The following CCDC7 variants were observed in gnomAD, a reference collection of about 807,000 sequenced individuals.
The protein encoded by CCDC7 is coiled-coil domain-containing protein 7.
In CCDC7, 183 loss-of-function variants were observed where a neutral mutation model predicts 196.9. The observed-to-expected ratio is 0.93, with a 90% CI of 0.82 to 1.05. The LOEUF (loss-of-function observed/expected upper bound fraction) is 1.05. Among genes scored for constraint, CCDC7 ranks in the 50% least tolerant of loss-of-function variants. The pLI, the probability that CCDC7 is intolerant of heterozygous loss-of-function variation, is 0.00. For synonymous variants in CCDC7, 525 were observed against 484.6 expected, an observed-to-expected ratio of 1.08 and a Z score of -1.10; for missense variants, 1,540 against 1,482.2, an observed-to-expected ratio of 1.04 and a Z score of -0.64.
chr10:32,749,096 C>T (rs1353237123), intron 28 of CCDC7, among the ~76,000 whole-genome samples: 2 of 152,176 alleles, frequency 1.3e-5, no homozygotes, highest in Non-Finnish European at 2.9e-5. Context: ...AAAAAGGTTT[C>T]TGCTTCATTA....
At chr10:32,582,004 GAAGCCAGCTATT>G (rs2058766376) in intron 16 of CCDC7, among the ~76,000 whole-genome samples, 1 of 150,344 alleles carries the variant, frequency 6.7e-6, no homozygotes, top group Non-Finnish European at 1.5e-5. Flanking sequence ...TTTAGGATAG[GAAGCCAGCTATT>G]CTCTTTACTT....
exon 28 of CCDC7, chr10:32,729,392 A>C: frequency 6.6e-7 from 1 of 1,522,462 alleles, no homozygotes; most frequent in Non-Finnish European, 9.0e-7. Context: ...CCTGAGGAGA[A>C]AGTTTTATTA....
At chr10:32,842,010 T>C in intron 33 of CCDC7, among the ~76,000 whole-genome samples, 1 of 151,976 alleles carries the variant, frequency 6.6e-6, no homozygotes, top group East Asian at 1.9e-4. Context: ...GAAGATAACA[T>C]TGGAAAAACC....
intron 18 of CCDC7, among the ~76,000 whole-genome samples, chr10:32,609,928 G>T (rs985289299): frequency 6.6e-6 from 1 of 152,080 alleles, no homozygotes; most frequent in Non-Finnish European, 1.5e-5. Flanking sequence ...CAATGGCTGA[G>T]TAGTGTATAT....
At position 32,734,312 on chromosome 10, in the gene CCDC7, G is replaced by T. The variant is rs553348610; in HGVS notation, c.2905+4855G>T. On this transcript the variant is annotated intron_variant, in intron 28 of 41. Coordinates refer to ENST00000639629, the Ensembl canonical transcript of CCDC7. ...TGCAGGAACATGGATGGAGCTGGAG[G>T]CCATTATACTTAGCAAACTAATGCA... 1.1e-4 allele frequency among the ~76,000 whole-genome samples: 16 copies of T among 152,236 alleles called. 1 individual carries two copies. In the South Asian group the frequency reaches 1.5e-3, roughly 14 times the overall value.
intron 18 of CCDC7, among the ~76,000 whole-genome samples, chr10:32,605,228 C>T (rs1395894557): frequency 6.6e-6 from 1 of 152,110 alleles, no homozygotes; most frequent in Non-Finnish European, 1.5e-5. Flanking sequence ...ATGCCCAGTG[C>T]CATGCTTCCT....
At chr10:32,458,897 T>C (rs2034970311) in intron 3 of CCDC7, among the ~76,000 whole-genome samples, 1 of 152,292 alleles carries the variant, frequency 6.6e-6, no homozygotes, top group South Asian at 2.1e-4. Flanking sequence ...CCAGTATTAA[T>C]ATTAATTCTT....
chr10:32,697,456 A>G lies in CCDC7; in HGVS notation c.2458+2464A>G, dbSNP rs150647360. Reference sequence around the variant, plus strand: ...CCATGACAGATGGTACCTGAAAATCAGGACACTCCCGCCTTAATACAGCGC... The same window carrying G: ...CCATGACAGATGGTACCTGAAAATCGGGACACTCCCGCCTTAATACAGCGC... On this transcript the variant is annotated intron_variant, in intron 24 of 41. Transcript: ENST00000639629. Among the ~76,000 whole-genome samples the G allele has an allele frequency of 5.0e-3, 763 of 152,322 alleles. 1 individual carries two copies. The highest frequency in any genetic ancestry group is 0.017 in the African/African-American group (717 of 41,560).
chr10:32,551,802 C>CAA (rs1564624291), intron 13 of CCDC7, among the ~76,000 whole-genome samples: 6 of 152,018 alleles, frequency 3.9e-5, no homozygotes, highest in Non-Finnish European at 8.8e-5. Context: ...TATTGAGGCT[C>CAA]ATTTTATGGC....
intron 2 of CCDC7, among the ~76,000 whole-genome samples, chr10:32,455,771 T>C (rs1186160714): frequency 1.3e-5 from 2 of 152,266 alleles, no homozygotes; most frequent in Non-Finnish European, 1.5e-5. Flanking sequence ...TTGATCGTTA[T>C]GACATTTAAG....
At chr10:32,838,015 G>A (rs189789966) in intron 33 of CCDC7, among the ~76,000 whole-genome samples, 127 of 152,138 alleles carry the variant, frequency 8.3e-4, no homozygotes, top group Middle Eastern at 3.4e-3. Context: ...CATGGCGCAT[G>A]TATACATATG....
chr10:32,751,868 G>A (rs549766565), intron 28 of CCDC7, among the ~76,000 whole-genome samples: 1 of 152,104 alleles, frequency 6.6e-6, no homozygotes, highest in Non-Finnish European at 1.5e-5. Flanking sequence ...TATTCTTCAA[G>A]TTTATGAACC....
chr10:32,542,501 C>T (rs1433653916), intron 11 of CCDC7, among the ~76,000 whole-genome samples: 3 of 151,800 alleles, frequency 2.0e-5, no homozygotes, highest in East Asian at 1.9e-4. Context: ...GGCGTGGTGG[C>T]GTGCCCCTGT....
intron 24 of CCDC7, among the ~76,000 whole-genome samples, chr10:32,702,971 T>C (rs2079022347): frequency 6.6e-6 from 1 of 152,222 alleles, no homozygotes; most frequent in Admixed American, 6.5e-5. Flanking sequence ...CTTTATCCAA[T>C]TTGCCAGTCT....
chr10:32,748,995 T>A (rs2075258866), intron 28 of CCDC7, among the ~76,000 whole-genome samples: 1 of 152,202 alleles, frequency 6.6e-6, no homozygotes, highest in Non-Finnish European at 1.5e-5. Context: ...TCCCTATAAC[T>A]GAGCCTCCTT....
intron 22 of CCDC7, among the ~76,000 whole-genome samples, chr10:32,688,691 T>G (rs1156994041): frequency 6.6e-6 from 1 of 152,226 alleles, no homozygotes; most frequent in Non-Finnish European, 1.5e-5. Context: ...AGATCTATGC[T>G]TGTATATTTA....
chr10:32,726,694 A>G lies in CCDC7; in HGVS notation c.2570-40A>G, dbSNP rs201762258. 7 of 1,162,646 alleles carry G rather than the reference A, an allele frequency of 6.0e-6. No homozygotes were observed. The Admixed American group carries it at 6.3e-5, about 10-fold the overall frequency. 72.0% of individuals were successfully genotyped at this position (1,162,646 alleles called of 1,614,324 possible). ...TCACAATAGATTTGTTTTTTCATTTAGCGGACTAAATGTATCTCTTTATGT... is the reference window on the plus strand; with the variant it reads ...TCACAATAGATTTGTTTTTTCATTTGGCGGACTAAATGTATCTCTTTATGT... On this transcript the variant is annotated intron_variant, in intron 25 of 41. Coordinates refer to ENST00000639629, the Ensembl canonical transcript of CCDC7.
chr10:32,781,222 CA>C (rs1044203946), intron 29 of CCDC7, among the ~76,000 whole-genome samples: 39 of 152,070 alleles, frequency 2.6e-4, no homozygotes, highest in African/African-American at 9.4e-4. Flanking sequence ...TGAATATTAC[CA>C]AATATTTAAA....
At chr10:32,519,730 C>T (rs1414283248) in intron 11 of CCDC7, among the ~76,000 whole-genome samples, 1 of 152,020 alleles carries the variant, frequency 6.6e-6, no homozygotes, top group East Asian at 1.9e-4. Flanking sequence ...GCAAATAATC[C>T]AGTTATACTT....
Sources: allele counts gnomAD v4.1 joint callset (sites outside exome capture counted in the v4.1 genomes callset), GRCh38; gene constraint gnomAD v4.1.1; transcripts MANE v1.5; gene names NCBI Gene and HGNC (gene_info 2026-07-23, HGNC 2026-07-21).